Variants in RHBDD1 observed in about 807,000 individuals in gnomAD.
RHBDD1 encodes the protein rhomboid-related protein 4.
RHBDD1 carries 38 observed loss-of-function variants against 36.3 expected under a neutral mutation model. The observed-to-expected ratio is 1.05, with a 90% CI of 0.81 to 1.37. The LOEUF (loss-of-function observed/expected upper bound fraction) is 1.37, where lower values mean the gene tolerates loss of function less well. Among genes scored for constraint, RHBDD1 ranks in the 40% most tolerant of loss-of-function variants. The probability of loss-of-function intolerance (pLI) is 0.00; values close to 1 mark genes in which losing one functional copy is unlikely to be tolerated. For missense variants in RHBDD1, 393 were observed against 377.6 expected (o/e 1.04, Z -0.34); for synonymous variants, 151 against 136.5 (o/e 1.11, Z -0.74).
At chr2:226,954,131 C>T (rs186005800) in intron 8 of RHBDD1, among the ~76,000 whole-genome samples, 388 of 152,180 alleles carry the variant, frequency 2.5e-3, no homozygotes, top group African/African-American at 8.8e-3. Flanking sequence ...ATAAAACAGA[C>T]GGCACCCAAA....
rs547178178 is a variant in RHBDD1, at chr2:226,921,322, T to C, written c.856+6971T>C. ...AACTTTTTGTCATGAATCTTTTGTATTGTTTTTTTCGTTTCATTTAGTTCT... is the reference window on the plus strand; with the variant it reads ...AACTTTTTGTCATGAATCTTTTGTACTGTTTTTTTCGTTTCATTTAGTTCT... On this transcript the variant is annotated intron_variant, in intron 8 of 8. Coordinates refer to ENST00000392062, the MANE Select transcript of RHBDD1 (RefSeq NM_001167608.3). Among the ~76,000 whole-genome samples, 15 of 152,270 alleles carry C rather than the reference T, an allele frequency of 9.9e-5. No homozygotes were observed. The East Asian group carries it at 2.9e-3, about 29-fold the overall frequency.
intron 8 of RHBDD1, among the ~76,000 whole-genome samples, chr2:226,972,609 A>G (rs1369039695): frequency 5.3e-5 from 8 of 152,204 alleles, no homozygotes; most frequent in Non-Finnish European, 1.2e-4. Flanking sequence ...GGGTCAAGGC[A>G]GGAGCTGGAA....
the RHBDD1 span, among the ~76,000 whole-genome samples, chr2:226,807,881 G>A: frequency 6.6e-6 from 1 of 152,136 alleles, no homozygotes; most frequent in East Asian, 1.9e-4. Context: ...GGGCATGGTG[G>A]CAGGCACCTG....
intron 5 of RHBDD1, among the ~76,000 whole-genome samples, chr2:226,883,493 G>C (rs1342791290): frequency 6.6e-6 from 1 of 152,206 alleles, no homozygotes; most frequent in Non-Finnish European, 1.5e-5. Context: ...ACAGAGAAGA[G>C]CGGTAGGTAG....
At chr2:226,947,530 G>C (rs1205723142) in intron 8 of RHBDD1, among the ~76,000 whole-genome samples, 6 of 152,024 alleles carry the variant, frequency 3.9e-5, no homozygotes, top group Admixed American at 6.6e-5. Flanking sequence ...TTGAAGTCAG[G>C]TAGTGTGATG....
intron 5 of RHBDD1, among the ~76,000 whole-genome samples, chr2:226,897,354 C>T (rs1947189063): frequency 6.6e-6 from 1 of 152,158 alleles, no homozygotes; most frequent in Admixed American, 6.5e-5. Flanking sequence ...CTGTCTCCTC[C>T]ACTCTAGATT....
chr2:226,821,525 ATAATTATT>A, the RHBDD1 span, among the ~76,000 whole-genome samples: 17 of 151,632 alleles, frequency 1.1e-4, no homozygotes, highest in Admixed American at 3.3e-4. Context: ...TTTTATTTTA[ATAATTATT>A]TATTATTCTA....
At chr2:226,921,956 T>A (rs1949341119) in intron 8 of RHBDD1, among the ~76,000 whole-genome samples, 1 of 152,186 alleles carries the variant, frequency 6.6e-6, no homozygotes, top group Admixed American at 6.5e-5. Flanking sequence ...GCTATTATTG[T>A]ATTGGGATCG....
intron 8 of RHBDD1, among the ~76,000 whole-genome samples, chr2:226,971,791 A>ATATGATTT (rs1277525423): frequency 2.0e-5 from 3 of 151,790 alleles, no homozygotes; most frequent in African/African-American, 7.3e-5. Context: ...TTTTGTTGAG[A>ATATGATTT]TATGATTTTT....
At chr2:226,887,713 T>G (rs907498308) in intron 5 of RHBDD1, among the ~76,000 whole-genome samples, 3 of 152,260 alleles carry the variant, frequency 2.0e-5, no homozygotes, top group Non-Finnish European at 4.4e-5. Context: ...CAGGTGTATG[T>G]GTGTTTTTCA....
Position 226,995,991 on chromosome 2 carries a change from C to G in RHBDD1, c.*469C>G, listed in dbSNP as rs1026590626. 2 of 158,550 alleles carry G rather than the reference C, an allele frequency of 1.3e-5. No homozygotes were observed. The highest frequency in any genetic ancestry group is 4.8e-5 in the African/African-American group (2 of 41,690). 9.8% of individuals were successfully genotyped at this position (158,550 alleles called of 1,614,324 possible). A position where few individuals can be genotyped will look rare whatever the true frequency, so the allele number is the denominator to read the frequency against. On this transcript the variant is annotated 3_prime_UTR_variant, in exon 9 of 9. Coordinates refer to ENST00000392062, the MANE Select transcript of RHBDD1 (RefSeq NM_001167608.3). ...GTGGCTGTCCAGGAACAGGATGTGG[C>G]TGCCTTGGCCGAATGTTGTCCTACT...
chr2:226,870,147 TAC>T (rs1944669419), intron 5 of RHBDD1, among the ~76,000 whole-genome samples: 1 of 152,162 alleles, frequency 6.6e-6, no homozygotes, highest in Non-Finnish European at 1.5e-5. Flanking sequence ...CGGGCTCACA[TAC>T]TGGCCGTGGG....
intron 5 of RHBDD1, among the ~76,000 whole-genome samples, chr2:226,884,935 GAAAT>G (rs1202849884): frequency 1.3e-5 from 2 of 151,842 alleles, no homozygotes; most frequent in African/African-American, 4.8e-5. Flanking sequence ...GCAAAAATCA[GAAAT>G]AAATGAGAAA....
At chr2:226,863,097 C>T (rs1389372250) in intron 3 of RHBDD1, among the ~76,000 whole-genome samples, 1 of 152,156 alleles carries the variant, frequency 6.6e-6, no homozygotes, top group Non-Finnish European at 1.5e-5. Flanking sequence ...CCTGTAATCC[C>T]AGCACTTTGG....
At chr2:226,862,397 G>A (rs938480209) in intron 3 of RHBDD1, among the ~76,000 whole-genome samples, 1 of 147,618 alleles carries the variant, frequency 6.8e-6, no homozygotes, top group Non-Finnish European at 1.5e-5. Flanking sequence ...GCATTGTCCA[G>A]TGTGCAGTCC....
chr2:226,906,823 T>G lies in RHBDD1; in HGVS notation c.597T>G (p.Ile199Met). The change falls in exon 6 of 9, where the codon ATT (isoleucine) becomes ATG (methionine). Residue 199 changes from isoleucine (I) to methionine (M), a missense_variant. By Grantham distance (10) the Ile-to-Met change is conservative (BLOSUM62 1). Coordinates refer to ENST00000392062, the MANE Select transcript of RHBDD1 (RefSeq NM_001167608.3). ...CCTTCGCTGGGCATCTGGCTGGGAT[T>G]CTTGTTGGACTAATGTACACTCAAG... ...GTSFAGHLAG[I>M]LVGLMYTQGP... 1 of 1,614,142 alleles carries G rather than the reference T, an allele frequency of 6.2e-7. No homozygotes were observed. The highest frequency in any genetic ancestry group is 1.1e-5 in the South Asian group (1 of 91,072).
chr2:226,988,298 T>TC (rs1295104635), intron 8 of RHBDD1: 1 of 1,540,482 alleles, frequency 6.5e-7, no homozygotes, highest in Non-Finnish European at 8.8e-7. Context: ...CCCCTGTCCT[T>TC]CCCTTCCACT....
chr2:226,928,890 C>G (rs1328954095), intron 8 of RHBDD1, among the ~76,000 whole-genome samples: 1 of 152,052 alleles, frequency 6.6e-6, no homozygotes, highest in African/African-American at 2.4e-5. Context: ...TGCATACAAA[C>G]TAGAAAATCT....
At chr2:226,952,647 C>T (rs891982692) in intron 8 of RHBDD1, among the ~76,000 whole-genome samples, 1 of 152,234 alleles carries the variant, frequency 6.6e-6, no homozygotes. Flanking sequence ...TGGATGTCCT[C>T]CATGCTTTAT....
Sources: allele counts gnomAD v4.1 joint callset (sites outside exome capture counted in the v4.1 genomes callset), GRCh38; gene constraint gnomAD v4.1.1; transcripts MANE v1.5; gene names NCBI Gene and HGNC (gene_info 2026-07-23, HGNC 2026-07-21).